The following NOP9 variants were observed in gnomAD, a reference collection of about 807,000 sequenced individuals.
NOP9 encodes nucleolar protein 9.
NOP9 carries 50 observed loss-of-function variants against 63.0 expected under a neutral mutation model. The observed-to-expected ratio is 0.79, with a 90% CI of 0.63 to 1.00. The LOEUF (loss-of-function observed/expected upper bound fraction) is 1.00, where lower values mean the gene tolerates loss of function less well. Ranked by LOEUF, NOP9 falls within the 50% of genes least tolerant of loss-of-function variation. The probability of loss-of-function intolerance (pLI) is 0.00; values close to 1 mark genes in which losing one functional copy is unlikely to be tolerated. For missense variants in NOP9, 758 were observed against 803.0 expected (o/e 0.94, Z 0.68); for synonymous variants, 343 against 332.8 (o/e 1.03, Z -0.33).
chr14:24,289,274 G>A, the NOP9 span, among the ~76,000 whole-genome samples: 1,814 of 152,174 alleles, frequency 0.012, 32 homozygotes, highest in African/African-American at 0.041. Context: ...GAGCCACTGT[G>A]CCCGGCCCCA....
Position 24,305,088 on chromosome 14 carries a change from AAG to A in NOP9, c.1906_1907del (p.Asp636LeufsTer33). ...AGGCGGGCATTGAACTCCATACTTG[AAG>A]ACTGAGGCTTTGGATCTGGGACTGG... On this transcript the variant is annotated frameshift_variant, in exon 10 of 10. Coordinates refer to ENST00000267425, the MANE Select transcript of NOP9 (RefSeq NM_174913.3). LOFTEE classifies it high-confidence loss of function. The A allele has an allele frequency of 6.6e-7, 1 of 1,525,534 alleles. No homozygotes were observed. Among genetic ancestry groups the A allele is most frequent in the Non-Finnish European group, 8.8e-7 (1 of 1,132,522 alleles). The allele number at this position is 1,525,534 out of a possible 1,614,324, so 94.5% of individuals were successfully genotyped here.
At position 24,300,047 on chromosome 14, in the gene NOP9, C is replaced by T. The variant is rs763104098; in HGVS notation, c.93C>T (p.Pro31=). Residue 31 remains proline (P), a synonymous_variant, in exon 1 of 10, where the codon CCC becomes CCT. Transcript: ENST00000267425. ...GCGGGGCCAAGGGGTCGGGGCGCCC[C>T]TTACCAGGCCGTAAGCGGCAACCCT... The part of the protein sequence containing the change: ...RGRGAKGSGR[P]LPGRKRQPWP... 18 of 1,611,280 alleles carry T rather than the reference C, an allele frequency of 1.1e-5. No individual in the cohort carries two copies. Among genetic ancestry groups the T allele is most frequent in the Non-Finnish European group, 1.5e-5 (18 of 1,179,450 alleles).
upstream of NOP9, chr14:24,296,760 T>C: frequency 9.9e-6 from 16 of 1,614,222 alleles, no homozygotes; most frequent in Non-Finnish European, 1.4e-5. Flanking sequence ...ATAAGCATTG[T>C]TGACCAGCAC....
chr14:24,308,340 AGTGGG>A lies in NOP9; in HGVS notation c.*3246_*3250del, dbSNP rs904896756. 1 of 217,004 alleles carries A rather than the reference AGTGGG, an allele frequency of 4.6e-6. No individual in the cohort carries two copies. Among genetic ancestry groups the A allele is most frequent in the African/African-American group, 2.3e-5 (1 of 43,666 alleles). 13.4% of individuals were successfully genotyped at this position (217,004 alleles called of 1,614,324 possible). On this transcript the variant is annotated 3_prime_UTR_variant, in exon 10 of 10. Coordinates refer to ENST00000267425, the MANE Select transcript of NOP9 (RefSeq NM_174913.3). ...GGGAACCCGGGGCAGAGTGTGGGGA[AGTGGG>A]ATGGCAGCATGGCAGGGCTTTGGAA...
chr14:24,277,527 G>A, the NOP9 span, among the ~76,000 whole-genome samples: 1 of 152,276 alleles, frequency 6.6e-6, no homozygotes, highest in Non-Finnish European at 1.5e-5. Context: ...AATGGACAAC[G>A]AAGAGAGGAG....
the NOP9 span, among the ~76,000 whole-genome samples, chr14:24,276,610 T>C: frequency 6.6e-6 from 1 of 152,106 alleles, no homozygotes; most frequent in South Asian, 2.1e-4. Flanking sequence ...TGTAAATAAC[T>C]GCATGGGGCT....
rs1386725945 is a variant in NOP9 at position 24,307,908 on chromosome 14, T to C, written c.*2813T>C. ...GGAACTTCTGGGCTGGGTGGTTCTCTCCTGTGCTGGGGCTTTAGTGGTGTT... is the reference window on the plus strand; with the variant it reads ...GGAACTTCTGGGCTGGGTGGTTCTCCCCTGTGCTGGGGCTTTAGTGGTGTT... On this transcript the variant is annotated 3_prime_UTR_variant, in exon 10 of 10. Transcript: ENST00000267425. The C allele has an allele frequency of 2.6e-6, 4 of 1,510,142 alleles. No individual in the cohort carries two copies. The highest frequency in any genetic ancestry group is 3.6e-6 in the Non-Finnish European group (4 of 1,105,976). The allele number at this position is 1,510,142 out of a possible 1,614,324, so 93.5% of individuals were successfully genotyped here. A position where few individuals can be genotyped will look rare whatever the true frequency, so the allele number is the denominator to read the frequency against.
chr14:24,307,549 A>G lies in NOP9; in HGVS notation c.*2454A>G, dbSNP rs754750334. 3.1e-6 allele frequency: 5 copies of G among 1,603,378 alleles called. No individual in the cohort carries two copies. In the Admixed American group the frequency reaches 8.4e-5, roughly 27 times the overall value. On this transcript the variant is annotated 3_prime_UTR_variant, in exon 10 of 10. Coordinates refer to ENST00000267425, the MANE Select transcript of NOP9 (RefSeq NM_174913.3). ...TGAGAAGAAAAGTCAAGAAGGGGCG[A>G]GGAGGGGCTTGGTGAGTGTAAAGGG...
rs748373659 is a variant in NOP9, at chr14:24,305,902, A to G, written c.*807A>G. On this transcript the variant is annotated 3_prime_UTR_variant, in exon 10 of 10. Transcript: ENST00000267425. ...TGCAAGAGGACGAATTATGGGGACT[A>G]TCCAACTGTAGGGGATGGGGCAGTA... The G allele has an allele frequency of 4.4e-6, 7 of 1,594,570 alleles. No individual in the cohort carries two copies. Among genetic ancestry groups the G allele is most frequent in the African/African-American group, 2.7e-5 (2 of 74,630 alleles).
Position 24,307,800 on chromosome 14 carries a change from C to T in NOP9, c.*2705C>T, listed in dbSNP as rs146748676. On this transcript the variant is annotated 3_prime_UTR_variant, in exon 10 of 10. Coordinates refer to ENST00000267425, the MANE Select transcript of NOP9 (RefSeq NM_174913.3). ...TATCCCCTAAAGGTGGAGGGTAGAG[C>T]GGAGGGTTAGCAGTCACCTGAGTAA... 27 of 1,588,050 alleles carry T rather than the reference C, an allele frequency of 1.7e-5. No individual in the cohort carries two copies. The highest frequency in any genetic ancestry group is 5.4e-5 in the African/African-American group (4 of 74,502).
At chr14:24,301,080 A>G (rs1055884933) in intron 2 of NOP9, among the ~76,000 whole-genome samples, 3 of 152,142 alleles carry the variant, frequency 2.0e-5, no homozygotes, top group African/African-American at 7.2e-5. Context: ...ATTAGAATGG[A>G]CGCAGGAGGA....
At position 24,305,084 on chromosome 14, in the gene NOP9, C is replaced by G; in HGVS notation, c.1900C>G (p.Leu634Val). 1 of 1,537,222 alleles carries G rather than the reference C, an allele frequency of 6.5e-7. No individual in the cohort carries two copies. Among genetic ancestry groups the G allele is most frequent in the African/African-American group, 1.4e-5 (1 of 72,244 alleles). Residue 634 changes from leucine to valine, a missense_variant, in exon 10 of 10, where the codon CTT becomes GTT. Transcript: ENST00000267425. ...GCGGAGGCGGGCATTGAACTCCATA[C>G]TTGAAGACTGAGGCTTTGGATCTGG... ...AKRRRALNSI[L>V]ED
chr14:24,308,217 G>A lies in NOP9; in HGVS notation c.*3122G>A, dbSNP rs934842678. 9.8e-6 allele frequency: 3 copies of A among 305,594 alleles called. No homozygotes were observed. The highest frequency in any genetic ancestry group is 3.2e-5 in the South Asian group (1 of 31,298). The allele number at this position is 305,594 out of a possible 1,614,324, so 18.9% of individuals were successfully genotyped here. A position where few individuals can be genotyped will look rare whatever the true frequency, so the allele number is the denominator to read the frequency against. ...TTCTATGGAGGGAATTTCTGGGGAC[G>A]GTTTCTGGCTCTCAGGCTCTGAGAA... On this transcript the variant is annotated 3_prime_UTR_variant, in exon 10 of 10. Coordinates refer to ENST00000267425, the MANE Select transcript of NOP9 (RefSeq NM_174913.3).
At chr14:24,298,859 GTAT>G (rs2041311053), upstream of NOP9, 1 of 1,318,634 alleles carries the variant, frequency 7.6e-7, no homozygotes, top group East Asian at 2.4e-5. Context: ...TTGTTGAGTA[GTAT>G]TATAGTTTCA....
Position 24,299,886 on chromosome 14 carries a change from G to T in NOP9, c.-69G>T. The T allele has an allele frequency of 1.3e-6, 2 of 1,487,954 alleles. No homozygotes were observed. Among genetic ancestry groups the T allele is most frequent in the South Asian group, 1.4e-5 (1 of 72,490 alleles). The allele number at this position is 1,487,954 out of a possible 1,614,324, so 92.2% of individuals were successfully genotyped here. A position where few individuals can be genotyped will look rare whatever the true frequency, so the allele number is the denominator to read the frequency against. On this transcript the variant is annotated 5_prime_UTR_variant, in exon 1 of 10. Coordinates refer to ENST00000267425, the MANE Select transcript of NOP9 (RefSeq NM_174913.3). ...TAAACTTTGTCTGGATAAGGCGCACGCTTGGCGACGTCGAAGGTCCGTCCG... is the reference window on the plus strand; with the variant it reads ...TAAACTTTGTCTGGATAAGGCGCACTCTTGGCGACGTCGAAGGTCCGTCCG...
Position 24,304,227 on chromosome 14 carries a change from A to C in NOP9, c.1597A>C (p.Ser533Arg). The C allele has an allele frequency of 6.2e-7, 1 of 1,614,182 alleles. No homozygotes were observed. Among genetic ancestry groups the C allele is most frequent in the East Asian group, 2.2e-5 (1 of 44,882 alleles). The change falls in exon 8 of 10, where the codon AGC (serine) becomes CGC (arginine). Residue 533 changes from serine to arginine, a missense_variant. Physicochemically the swap from Ser to Arg is moderately radical, Grantham distance 110. Coordinates refer to ENST00000267425, the MANE Select transcript of NOP9 (RefSeq NM_174913.3). Reference sequence around the variant, plus strand: ...TCATGTGCTCGATGCCATCCTGACCAGCCCCTCTGTGACGCGCAAGCTGCG... The same window carrying C: ...TCATGTGCTCGATGCCATCCTGACCCGCCCCTCTGTGACGCGCAAGCTGCG... The part of the protein sequence containing the change: ...GSHVLDAILT[S>R]PSVTRKLRRR...
chr14:24,302,933 A>T, intron 5 of NOP9, 141 bp from the exon 6 acceptor site: 1 of 1,021,764 alleles, frequency 9.8e-7, no homozygotes, highest in Non-Finnish European at 1.4e-6. Flanking sequence ...GGCCTTATCT[A>T]GCCAAACAAA....
chr14:24,277,433 C>T, the NOP9 span, among the ~76,000 whole-genome samples: 1 of 151,892 alleles, frequency 6.6e-6, no homozygotes, highest in Admixed American at 6.6e-5. Context: ...GGTGAGGGAA[C>T]CCACAAACAA....
chr14:24,305,543 G>T lies in NOP9; in HGVS notation c.*448G>T. ...GGAAATTGGGTGGGTTATCTAGCCT[G>T]TACTGTCTGCAGGTCCTGAAATTTG... On this transcript the variant is annotated 3_prime_UTR_variant, in exon 10 of 10. Transcript: ENST00000267425. The T allele has an allele frequency of 6.6e-7, 1 of 1,508,640 alleles. No homozygotes were observed. The allele number at this position is 1,508,640 out of a possible 1,614,324, so 93.5% of individuals were successfully genotyped here.
Sources: gnomAD v4.1 joint callset for allele counts (sites outside exome capture counted in the v4.1 genomes callset) on GRCh38, gnomAD v4.1.1 for gene constraint, MANE v1.5 for transcripts, NCBI Gene and HGNC (gene_info 2026-07-23, HGNC 2026-07-21) for gene names.